The following ZNF469 variants were observed in gnomAD, a reference collection of about 807,000 sequenced individuals.
The protein encoded by ZNF469 is zinc finger protein 469.
In ZNF469, 1 loss-of-function variant was observed where a neutral mutation model predicts 1.0. The ratio of observed to expected loss-of-function variants is 1.00; its 90% CI spans 0.35 to 4.73. ZNF469 has a LOEUF of 4.73. Ranked by LOEUF, ZNF469 falls within the 30% of genes most tolerant of loss-of-function variation. The pLI, the probability that ZNF469 is intolerant of heterozygous loss-of-function variation, is 0.16. For missense variants in ZNF469, 6,100 were observed against 5,356.3 expected (o/e 1.14, Z -4.33); for synonymous variants, 2,703 against 2,363.4 (o/e 1.14, Z -4.17).
the ZNF469 span, among the ~76,000 whole-genome samples, chr16:88,243,629 C>G: frequency 1.4e-4 from 22 of 151,836 alleles, no homozygotes; most frequent in African/African-American, 5.3e-4. Context: ...GAGGAGATGC[C>G]TCCTCTGTGC....
chr16:88,202,983 G>GC, the ZNF469 span, among the ~76,000 whole-genome samples: 1 of 152,188 alleles, frequency 6.6e-6, no homozygotes, highest in South Asian at 2.1e-4. Context: ...AGTGCAGGCA[G>GC]CCCCCACCGA....
At chr16:88,187,031 G>C in the ZNF469 span, among the ~76,000 whole-genome samples, 1 of 152,174 alleles carries the variant, frequency 6.6e-6, no homozygotes, top group Middle Eastern at 3.2e-3. Context: ...CCTGCAGGTG[G>C]GGCGGCTGGG....
the ZNF469 span, among the ~76,000 whole-genome samples, chr16:88,305,593 C>G: frequency 6.6e-6 from 1 of 151,352 alleles, no homozygotes; most frequent in African/African-American, 2.4e-5. Context: ...CACACACGCA[C>G]ACCCTCACAC....
At chr16:88,239,685 A>G in the ZNF469 span, among the ~76,000 whole-genome samples, 9 of 18,432 alleles carry the variant, frequency 4.9e-4, no homozygotes, top group African/African-American at 2.1e-3. Context: ...ATATATATAT[A>G]TATATATATA....
the ZNF469 span, among the ~76,000 whole-genome samples, chr16:88,344,640 G>A: frequency 8.3e-4 from 127 of 152,294 alleles, no homozygotes; most frequent in Non-Finnish European, 1.5e-3. Flanking sequence ...ACCCTCAGGC[G>A]GTGCCCGGGC....
the ZNF469 span, among the ~76,000 whole-genome samples, chr16:88,377,335 G>A: frequency 2.6e-5 from 4 of 152,212 alleles, no homozygotes; most frequent in Non-Finnish European, 5.9e-5. Flanking sequence ...CCGACCCATG[G>A]GCCCGGTGGC....
chr16:88,153,625 G>A, the ZNF469 span, among the ~76,000 whole-genome samples: 3 of 152,228 alleles, frequency 2.0e-5, no homozygotes, highest in East Asian at 5.8e-4. Context: ...ACTGCGGGAG[G>A]CCTTGTGTTA....
At chr16:88,281,263 C>G in the ZNF469 span, among the ~76,000 whole-genome samples, 1 of 129,162 alleles carries the variant, frequency 7.7e-6, no homozygotes, top group African/African-American at 2.7e-5. Flanking sequence ...TGGTCAGTAC[C>G]GTGTCATTTT....
chr16:88,122,803 G>A, the ZNF469 span, among the ~76,000 whole-genome samples: 1 of 150,038 alleles, frequency 6.7e-6, no homozygotes, highest in African/African-American at 2.4e-5. Context: ...GTATATATAT[G>A]TATATATATG....
At chr16:88,228,526 A>G in the ZNF469 span, among the ~76,000 whole-genome samples, 1 of 152,256 alleles carries the variant, frequency 6.6e-6, no homozygotes, top group Non-Finnish European at 1.5e-5. Flanking sequence ...ATTAAAGCAG[A>G]GACGCACCCC....
the ZNF469 span, among the ~76,000 whole-genome samples, chr16:88,328,844 C>A: frequency 6.6e-6 from 1 of 152,112 alleles, no homozygotes; most frequent in African/African-American, 2.4e-5. Flanking sequence ...GAGAAAACAG[C>A]TGGGGCAGGC....
At chr16:88,130,183 G>A in the ZNF469 span, among the ~76,000 whole-genome samples, 2 of 152,300 alleles carry the variant, frequency 1.3e-5, no homozygotes, top group Admixed American at 1.3e-4. Flanking sequence ...TGCAGCATCG[G>A]GGTGCGTGCG....
At chr16:88,397,127 G>A (rs1904708449) in intron 1 of ZNF469, among the ~76,000 whole-genome samples, 1 of 152,206 alleles carries the variant, frequency 6.6e-6, no homozygotes, top group South Asian at 2.1e-4. Flanking sequence ...GCTCCTGCAG[G>A]GAGGCTAAGT....
chr16:88,299,121 G>A, the ZNF469 span, among the ~76,000 whole-genome samples: 4 of 150,238 alleles, frequency 2.7e-5, no homozygotes, highest in South Asian at 2.1e-4. Flanking sequence ...GGGGTGGGGA[G>A]GGCTTCCTGG....
At chr16:88,274,922 T>G in the ZNF469 span, among the ~76,000 whole-genome samples, 1 of 152,186 alleles carries the variant, frequency 6.6e-6, no homozygotes, top group African/African-American at 2.4e-5. Flanking sequence ...CCGAGCTGTT[T>G]TACAAACAGC....
the ZNF469 span, among the ~76,000 whole-genome samples, chr16:88,146,542 G>A: frequency 1.3e-5 from 2 of 152,112 alleles, no homozygotes; most frequent in Admixed American, 6.5e-5. Flanking sequence ...GGGTTTTCTG[G>A]GCTCCTGGGA....
the ZNF469 span, among the ~76,000 whole-genome samples, chr16:88,309,179 G>C: frequency 1.3e-5 from 2 of 152,226 alleles, no homozygotes; most frequent in South Asian, 2.1e-4. Flanking sequence ...TAAGGCTGAT[G>C]CTCACCTCTC....
At chr16:88,209,919 A>G in the ZNF469 span, among the ~76,000 whole-genome samples, 3 of 152,180 alleles carry the variant, frequency 2.0e-5, no homozygotes, top group African/African-American at 7.2e-5. Flanking sequence ...TTGTAAGAGT[A>G]TCTTCAGAGT....
chr16:88,427,063 C>A (rs1905736301), intron 2 of ZNF469, among the ~76,000 whole-genome samples: 1 of 152,234 alleles, frequency 6.6e-6, no homozygotes, highest in East Asian at 1.9e-4. Context: ...CAGAAAGCTC[C>A]CCCTCCCTCC....
Sources: gnomAD v4.1 joint callset for allele counts (sites outside exome capture counted in the v4.1 genomes callset) on GRCh38, gnomAD v4.1.1 for gene constraint, MANE v1.5 for transcripts, NCBI Gene and HGNC (gene_info 2026-07-23, HGNC 2026-07-21) for gene names.